The following NLRP5 variants were observed in gnomAD, a reference collection of about 807,000 sequenced individuals.
NLRP5 encodes NACHT, LRR and PYD domains-containing protein 5.
NLRP5 carries 93 observed loss-of-function variants against 113.1 expected under a neutral mutation model. The observed-to-expected ratio is 0.82, with a 90% CI of 0.70 to 0.98. The LOEUF (loss-of-function observed/expected upper bound fraction) is 0.98, where lower values mean the gene tolerates loss of function less well. Ranked by LOEUF, NLRP5 falls within the 50% of genes least tolerant of loss-of-function variation. The probability of loss-of-function intolerance (pLI) is 0.00; values close to 1 mark genes in which losing one functional copy is unlikely to be tolerated. For synonymous variants in NLRP5, 751 were observed against 600.7 expected, an observed-to-expected ratio of 1.25 and a Z score of -3.66; for missense variants, 1,808 against 1,514.3, an observed-to-expected ratio of 1.19 and a Z score of -3.22.
the NLRP5 span, chr19:55,988,288 G>A: frequency 2.5e-5 from 4 of 161,580 alleles, no homozygotes; most frequent in South Asian, 1.7e-4. Flanking sequence ...CCAGCTGCTC[G>A]GGAGGCTGAG....
chr19:55,999,756 G>T lies in NLRP5; in HGVS notation c.31G>T (p.Ala11Ser). 3 of 1,613,600 alleles carry T rather than the reference G, an allele frequency of 1.9e-6. No homozygotes were observed. The highest frequency in any genetic ancestry group is 2.5e-6 in the Non-Finnish European group (3 of 1,179,618). ...GGTTGCAGGAGGACTTGAACTTGGA[G>T]CTGCTGCTCTGCTCTCAGCATCACC... is the stretch of plus-strand genomic sequence containing the variant. The change falls in exon 1 of 15, where the codon GCT becomes TCT. Residue 11 changes from alanine (A) to serine (S), a missense_variant. Physicochemically the swap from Ala to Ser is moderately conservative, Grantham distance 99. Transcript: ENST00000390649.
upstream of NLRP5, among the ~76,000 whole-genome samples, chr19:55,998,420 G>C (rs771841297): frequency 6.6e-6 from 1 of 152,154 alleles, no homozygotes; most frequent in Admixed American, 6.6e-5. Context: ...TTGGGAGGCC[G>C]AGGCGGGTGG....
intron 3 of NLRP5, among the ~76,000 whole-genome samples, chr19:56,013,753 G>A (rs1197010738): frequency 6.6e-6 from 1 of 151,900 alleles, no homozygotes; most frequent in African/African-American, 2.4e-5. Context: ...GAGGAGCTCT[G>A]CCAAATGGTT....
At chr19:56,053,023 G>C (rs190143465) in intron 12 of NLRP5, among the ~76,000 whole-genome samples, 4 of 152,218 alleles carry the variant, frequency 2.6e-5, no homozygotes, top group Non-Finnish European at 5.9e-5. Context: ...CTTGAACCCA[G>C]GAGGTGGAGG....
chr19:55,998,688 A>ATATATATATGTGTGTGTGTGTGTG (rs1555762400), upstream of NLRP5, among the ~76,000 whole-genome samples: 50 of 50,272 alleles, frequency 9.9e-4, 1 homozygote, highest in African/African-American at 2.4e-3. Flanking sequence ...ATATATATAT[A>ATATATATATGTGTGTGTGTGTGTG]TATATATATA....
chr19:55,996,070 A>C (rs1981315498), upstream of NLRP5, among the ~76,000 whole-genome samples: 1 of 152,190 alleles, frequency 6.6e-6, no homozygotes. Context: ...TCTAAATGAA[A>C]GATTATATTG....
At chr19:56,044,384 A>T (rs2123328125) in intron 11 of NLRP5, among the ~76,000 whole-genome samples, 1 of 152,184 alleles carries the variant, frequency 6.6e-6, no homozygotes, top group African/African-American at 2.4e-5. Context: ...TCTTGAGCTG[A>T]TTTTTGTGTT....
At chr19:56,025,585 T>TTGG (rs1982812269) in intron 6 of NLRP5, among the ~76,000 whole-genome samples, 1 of 148,668 alleles carries the variant, frequency 6.7e-6, no homozygotes, top group Non-Finnish European at 1.5e-5. Context: ...TTTTTTTTCG[T>TTGG]ATTTTTAGTA....
At chr19:55,998,730 G>GTA (rs1568478379), upstream of NLRP5, among the ~76,000 whole-genome samples, 250 of 116,154 alleles carry the variant, frequency 2.2e-3, 8 homozygotes, top group African/African-American at 6.4e-3. Context: ...ATATATATAT[G>GTA]TGTATATATA....
intron 9 of NLRP5, among the ~76,000 whole-genome samples, chr19:56,033,967 G>A (rs971350481): frequency 4.6e-5 from 7 of 152,310 alleles, no homozygotes; most frequent in Admixed American, 1.3e-4. Flanking sequence ...GCAAGGTCTC[G>A]TTTGGTTGCT....
chr19:56,047,740 C>T (rs1322944879), intron 11 of NLRP5, among the ~76,000 whole-genome samples: 1 of 152,112 alleles, frequency 6.6e-6, no homozygotes, highest in African/African-American at 2.4e-5. Flanking sequence ...CTGCTATGTC[C>T]ATTTGTTCCA....
the NLRP5 span, among the ~76,000 whole-genome samples, chr19:55,987,545 C>T: frequency 1.3e-5 from 2 of 152,108 alleles, no homozygotes; most frequent in Admixed American, 6.6e-5. Flanking sequence ...TGTTGTTTGT[C>T]CTGTTTACCA....
chr19:56,001,440 TCCTAATTACTTGAA>T (rs1981648290), intron 1 of NLRP5, among the ~76,000 whole-genome samples: 1 of 33,830 alleles, frequency 3.0e-5, no homozygotes, highest in African/African-American at 1.1e-4. Flanking sequence ...CTTCTGACTC[TCCTAATTACTTGAA>T]ATTTTATAAT....
chr19:56,024,584 T>TACACACACACACACACAC lies in NLRP5; in HGVS notation c.680-2327_680-2310dup, dbSNP rs369128981. Among the ~76,000 whole-genome samples the TACACACACACACACACAC allele has an allele frequency of 1.8e-3, 271 of 147,304 alleles. 2 individuals carry two copies. The highest frequency in any genetic ancestry group is 5.3e-3 in the African/African-American group (210 of 39,910). On this transcript the variant is annotated intron_variant, in intron 6 of 14. Transcript: ENST00000390649. ...ATGTATATATACACATATATATACA[T>TACACACACACACACACAC]ACACACACACACACACACATGAAAT...
intron 13 of NLRP5, among the ~76,000 whole-genome samples, chr19:56,054,945 C>T (rs1984074225): frequency 6.7e-6 from 1 of 149,838 alleles, no homozygotes; most frequent in South Asian, 2.1e-4. Flanking sequence ...GGGGAGGTCA[C>T]ATTCCTATTG....
chr19:56,059,030 G>T (rs1295207464), intron 14 of NLRP5, among the ~76,000 whole-genome samples: 1 of 152,212 alleles, frequency 6.6e-6, no homozygotes, highest in African/African-American at 2.4e-5. Context: ...ACAGAATGGT[G>T]ATTTCCAAAG....
chr19:56,017,047 T>C (rs1377637674), intron 4 of NLRP5, among the ~76,000 whole-genome samples: 1 of 152,158 alleles, frequency 6.6e-6, no homozygotes, highest in East Asian at 1.9e-4. Context: ...GACCTCGTGA[T>C]CCGCCCGCCT....
chr19:55,995,363 A>C (rs1349248262), upstream of NLRP5, among the ~76,000 whole-genome samples: 5 of 152,332 alleles, frequency 3.3e-5, no homozygotes, highest in Admixed American at 3.3e-4. Flanking sequence ...TATTAAAAAA[A>C]CTTAAATATT....
At position 56,001,497 on chromosome 19, in the gene NLRP5, A is replaced by T. The variant is rs550326330; in HGVS notation, c.62+1710A>T. Among the ~76,000 whole-genome samples, 169 of 152,128 alleles carry T rather than the reference A, an allele frequency of 1.1e-3. 1 individual carries two copies. The highest frequency in any genetic ancestry group is 3.8e-3 in the African/African-American group (157 of 41,476). On this transcript the variant is annotated intron_variant, in intron 1 of 14. Transcript: ENST00000390649. ...CTGACTCTCCTAATTACTTGAAGTA[A>T]TCTCAGCAAGCCCATCTTAAAACTT... is the stretch of plus-strand genomic sequence containing the variant.
Sources: allele counts gnomAD v4.1 joint callset (sites outside exome capture counted in the v4.1 genomes callset), GRCh38; gene constraint gnomAD v4.1.1; transcripts MANE v1.5; gene names NCBI Gene and HGNC (gene_info 2026-07-23, HGNC 2026-07-21).